NR6A1: variants seen among roughly 807,000 people sequenced by gnomAD.
NR6A1 encodes the protein retinoic acid receptor-related testis-associated receptor.
Under a neutral mutation model 59.1 loss-of-function variants are expected in NR6A1, and 7 were observed. The observed-to-expected ratio is 0.12, with a 90% CI of 0.07 to 0.22. The LOEUF is 0.22. Ranked by LOEUF, NR6A1 falls within the 10% of genes least tolerant of loss-of-function variation. The pLI is 1.00. For synonymous variants in NR6A1, 243 were observed against 236.1 expected (o/e 1.03, Z -0.27); for missense variants, 468 against 611.6 (o/e 0.77, Z 2.48).
intron 2 of NR6A1, among the ~76,000 whole-genome samples, chr9:124,623,992 G>C (rs146213587): frequency 6.6e-6 from 1 of 152,144 alleles, no homozygotes; most frequent in South Asian, 2.1e-4. Flanking sequence ...AAGTCTGAAT[G>C]TAAGTTTATT....
At chr9:124,736,751 T>C (rs1411713805) in intron 1 of NR6A1, among the ~76,000 whole-genome samples, 8 of 151,816 alleles carry the variant, frequency 5.3e-5, no homozygotes, top group Admixed American at 2.6e-4. Flanking sequence ...GAGGCTGAGG[T>C]AGAGATCACC....
At chr9:124,754,463 T>C (rs1414023637) in intron 1 of NR6A1, among the ~76,000 whole-genome samples, 2 of 152,172 alleles carry the variant, frequency 1.3e-5, no homozygotes, top group Admixed American at 6.5e-5. Context: ...ATTTTTAAGA[T>C]GTTCAATTTG....
At chr9:124,706,677 C>A (rs1839142623) in intron 2 of NR6A1, among the ~76,000 whole-genome samples, 1 of 152,104 alleles carries the variant, frequency 6.6e-6, no homozygotes, top group African/African-American at 2.4e-5. Context: ...CGCCACCACA[C>A]CAGCTAATTT....
intron 2 of NR6A1, among the ~76,000 whole-genome samples, chr9:124,663,254 A>G (rs1467747727): frequency 6.6e-6 from 1 of 152,250 alleles, no homozygotes; most frequent in Non-Finnish European, 1.5e-5. Context: ...TTAGAAAGCC[A>G]AAGGACTTCT....
At chr9:124,580,570 A>G (rs1588683262) in intron 2 of NR6A1, among the ~76,000 whole-genome samples, 1 of 152,244 alleles carries the variant, frequency 6.6e-6, no homozygotes, top group African/African-American at 2.4e-5. Flanking sequence ...CTGTAATCCC[A>G]GCACTCTGGG....
intron 2 of NR6A1, among the ~76,000 whole-genome samples, chr9:124,600,617 C>T (rs1167577764): frequency 1.3e-5 from 2 of 152,168 alleles, no homozygotes; most frequent in Non-Finnish European, 2.9e-5. Context: ...TACTCATCAT[C>T]TGCTGACCTC....
At chr9:124,538,052 T>C (rs1261789544) in intron 6 of NR6A1, 40 bp downstream of exon 6, 2 of 1,549,782 alleles carry the variant, frequency 1.3e-6, no homozygotes, top group East Asian at 2.2e-5. Flanking sequence ...TAGGGACACT[T>C]TGAGACTGCA....
chr9:124,569,352 G>GT (rs1834371715), intron 2 of NR6A1, among the ~76,000 whole-genome samples: 1 of 152,136 alleles, frequency 6.6e-6, no homozygotes, highest in Non-Finnish European at 1.5e-5. Flanking sequence ...CAGCCTTGCT[G>GT]TTACAAAAAT....
chr9:124,732,737 C>A (rs1335866102), intron 2 of NR6A1, among the ~76,000 whole-genome samples: 2 of 150,780 alleles, frequency 1.3e-5, no homozygotes, highest in East Asian at 3.9e-4. Flanking sequence ...GCTCTTGTCA[C>A]CCAGGCTGGA....
chr9:124,626,836 A>G (rs1836258214), intron 2 of NR6A1, among the ~76,000 whole-genome samples: 2 of 152,152 alleles, frequency 1.3e-5, no homozygotes, highest in Admixed American at 1.3e-4. Flanking sequence ...CAGGAGGCTG[A>G]GGCAGGAGAA....
chr9:124,652,685 A>G (rs1250993140), intron 2 of NR6A1, among the ~76,000 whole-genome samples: 4 of 152,186 alleles, frequency 2.6e-5, no homozygotes, highest in African/African-American at 7.2e-5. Flanking sequence ...GACTCTAGAT[A>G]CAGCCCTTCC....
At chr9:124,559,764 A>G (rs959706197) in intron 2 of NR6A1, among the ~76,000 whole-genome samples, 10 of 152,138 alleles carry the variant, frequency 6.6e-5, no homozygotes, top group Non-Finnish European at 1.2e-4. Context: ...GCGACAGAAC[A>G]AGACTCCGTC....
chr9:124,706,754 G>A (rs1434700252), intron 2 of NR6A1, among the ~76,000 whole-genome samples: 1 of 152,080 alleles, frequency 6.6e-6, no homozygotes, highest in Non-Finnish European at 1.5e-5. Context: ...CCGACCTCGT[G>A]ATCCACCCAC....
chr9:124,768,677 T>C (rs540014806), intron 1 of NR6A1, among the ~76,000 whole-genome samples: 16 of 152,364 alleles, frequency 1.1e-4, no homozygotes, highest in African/African-American at 3.4e-4. Flanking sequence ...CAAATGGTTC[T>C]GACCAATTGA....
intron 2 of NR6A1, among the ~76,000 whole-genome samples, chr9:124,604,720 G>A (rs1835531742): frequency 6.6e-6 from 1 of 152,030 alleles, no homozygotes; most frequent in Non-Finnish European, 1.5e-5. Context: ...TGAGATGGGA[G>A]GATTGCTTCT....
At chr9:124,760,183 G>A (rs1169124093) in intron 1 of NR6A1, among the ~76,000 whole-genome samples, 1 of 151,824 alleles carries the variant, frequency 6.6e-6, no homozygotes, top group African/African-American at 2.4e-5. Context: ...ATGGTGGCGG[G>A]CACCTGTAAT....
At chr9:124,741,482 G>A (rs1588845410) in intron 1 of NR6A1, among the ~76,000 whole-genome samples, 1 of 152,346 alleles carries the variant, frequency 6.6e-6, no homozygotes, top group East Asian at 1.9e-4. Context: ...ACTGACTACA[G>A]AGAATTAATA....
chr9:124,592,048 T>C (rs575084977), intron 2 of NR6A1, among the ~76,000 whole-genome samples: 1 of 152,008 alleles, frequency 6.6e-6, no homozygotes, highest in Non-Finnish European at 1.5e-5. Flanking sequence ...GTGAAAAAAT[T>C]GGTGGTCGCG....
At chr9:124,552,236 G>T (rs1405106738) in intron 3 of NR6A1, among the ~76,000 whole-genome samples, 1 of 152,204 alleles carries the variant, frequency 6.6e-6, no homozygotes, top group African/African-American at 2.4e-5. Context: ...GATGAGAGAA[G>T]TGGAGGCCAA....
Sources: gnomAD v4.1 joint callset for allele counts (sites outside exome capture counted in the v4.1 genomes callset) on GRCh38, gnomAD v4.1.1 for gene constraint, MANE v1.5 for transcripts, NCBI Gene and HGNC (gene_info 2026-07-23, HGNC 2026-07-21) for gene names.